Variants in CHAT observed in about 807,000 individuals in gnomAD.
CHAT encodes the protein acetyl CoA:choline O-acetyltransferase.
A neutral mutation model predicts 76.9 loss-of-function variants in CHAT; 61 were observed. That is an observed-to-expected ratio of 0.79 (90% CI 0.65 to 0.98). The LOEUF is 0.98. Ranked by LOEUF, CHAT falls within the 50% of genes least tolerant of loss-of-function variation. The pLI is 0.00. For missense variants in CHAT, 946 were observed against 986.9 expected (o/e 0.96, Z 0.56); for synonymous variants, 407 against 397.4 (o/e 1.02, Z -0.29).
At chr10:49,629,450 G>C (rs749279540) in intron 7 of CHAT, among the ~76,000 whole-genome samples, 1 of 152,184 alleles carries the variant, frequency 6.6e-6, no homozygotes, top group Non-Finnish European at 1.5e-5. Context: ...TTAGCATTCC[G>C]CAGTGAGTTA....
chr10:49,651,885 A>T lies in CHAT; in HGVS notation c.1513A>T (p.Ile505Leu). 2 of 1,613,780 alleles carry T rather than the reference A, an allele frequency of 1.2e-6. No homozygotes were observed. The highest frequency in any genetic ancestry group is 1.7e-6 in the Non-Finnish European group (2 of 1,179,752). ...LASSAEKLQR[I>L]VKNLDFIVYK... Reference sequence around the variant, plus strand: ...ACATCTTTTCTTTTTCTTCCTCAGAATAGTAAAGAACCTTGACTTCATTGT... The same window carrying T: ...ACATCTTTTCTTTTTCTTCCTCAGATTAGTAAAGAACCTTGACTTCATTGT... The change falls in exon 11 of 15, where the codon ATA becomes TTA. Residue 505 changes from isoleucine to leucine, a missense_variant and splice_region_variant. Around this residue, in one of 3 missense-constraint regions of CHAT, gnomAD observed 349 missense variants for 393.9 expected, o/e 0.89. Coordinates refer to ENST00000337653, the MANE Select transcript of CHAT (RefSeq NM_020549.5).
chr10:49,663,823 C>T (rs1419417385), intron 14 of CHAT, among the ~76,000 whole-genome samples: 3 of 152,194 alleles, frequency 2.0e-5, no homozygotes, highest in African/African-American at 7.2e-5. Context: ...GAACACAGCA[C>T]CATAAATTTC....
At chr10:49,622,609 C>T (rs989561578) in intron 5 of CHAT, among the ~76,000 whole-genome samples, 3 of 152,148 alleles carry the variant, frequency 2.0e-5, no homozygotes, top group Admixed American at 6.5e-5. Flanking sequence ...GCTCAAGCAC[C>T]GCAGGCTCTC....
At chr10:49,632,808 C>T (rs879496970) in intron 7 of CHAT, among the ~76,000 whole-genome samples, 10 of 152,192 alleles carry the variant, frequency 6.6e-5, no homozygotes, top group Non-Finnish European at 1.2e-4. Context: ...CCCTCTGCCA[C>T]GACACTGAGG....
chr10:49,665,010 A>T lies in CHAT; in HGVS notation c.2211A>T (p.Glu737Asp), dbSNP rs1840309929. The T allele has an allele frequency of 6.2e-7, 1 of 1,614,066 alleles. No homozygotes were observed. Among genetic ancestry groups the T allele is most frequent in the African/African-American group, 1.3e-5 (1 of 74,930 alleles). ...AGAGCAAGCCATTGGCAACAAAGGA[A>T]AAAGCCACGAGGCCCAGCCAGGGAC... is the stretch of plus-strand genomic sequence containing the variant. ...PTESKPLATK[E>D]KATRPSQGHQ... Residue 737 changes from glutamate (E) to aspartate (D), a missense_variant, in exon 15 of 15, where the codon GAA becomes GAT. Physicochemically the swap from Glu to Asp is conservative, Grantham distance 45. Around this residue, in one of 3 missense-constraint regions of CHAT, gnomAD observed 349 missense variants for 393.9 expected, o/e 0.89. Transcript: ENST00000337653.
chr10:49,649,833 T>G (rs971787623), intron 10 of CHAT, among the ~76,000 whole-genome samples, 197 bp downstream of exon 10: 1 of 150,644 alleles, frequency 6.6e-6, no homozygotes, highest in Non-Finnish European at 1.5e-5. Context: ...TGCTGAAGTA[T>G]CCATCATTTC....
In CHAT at chr10:49,648,582, T is replaced by G. The variant is rs1839759447; in HGVS notation, c.1357T>G (p.Cys453Gly). The change falls in exon 9 of 15, where the codon TGC (cysteine) becomes GGC (glycine). Residue 453 changes from cysteine to glycine, a missense_variant. By Grantham distance (159) the Cys-to-Gly change is radical. Transcript: ENST00000337653. ...ATTCGATGGCATCGTCCTGGTGCAG[T>G]GCACTGAGCATCTGCTCAAGCACGT... ...SPFDGIVLVQ[C>G]TEHLLKHVTQ... The G allele has an allele frequency of 1.2e-6, 2 of 1,613,460 alleles. No homozygotes were observed. Among genetic ancestry groups the G allele is most frequent in the Non-Finnish European group, 1.7e-6 (2 of 1,179,528 alleles).
At chr10:49,633,512 C>T (rs1839194799) in intron 7 of CHAT, among the ~76,000 whole-genome samples, 3 of 152,170 alleles carry the variant, frequency 2.0e-5, no homozygotes, top group Non-Finnish European at 2.9e-5. Flanking sequence ...CAGCCTGAGA[C>T]CTGCAGTGCC....
chr10:49,634,945 TG>T (rs1394707197), intron 7 of CHAT, among the ~76,000 whole-genome samples: 1 of 152,224 alleles, frequency 6.6e-6, no homozygotes, highest in East Asian at 1.9e-4. Context: ...AGATCTCATA[TG>T]TACCCATCTT....
rs554737110 is a variant in CHAT, at chr10:49,620,751, G to C, written c.698+138G>C. 2.8e-5 allele frequency: 20 copies of C among 720,576 alleles called. No homozygotes were observed. The South Asian group carries it at 2.9e-4, about 10-fold the overall frequency. The allele number at this position is 720,576 out of a possible 1,614,324, so 44.6% of individuals were successfully genotyped here. ...GGTCAAATGCCCCGAGACAGTGGAC[G>C]TCCAGGCCATCAGGTGGGGAGCAAG... On this transcript the variant is annotated intron_variant, in intron 4 of 14. Transcript: ENST00000337653.
intron 7 of CHAT, among the ~76,000 whole-genome samples, chr10:49,636,039 T>C (rs548285270): frequency 6.6e-6 from 1 of 152,258 alleles, no homozygotes; most frequent in African/African-American, 2.4e-5. Flanking sequence ...AATCTACAAC[T>C]CCAAAAACTC....
chr10:49,637,095 C>T (rs1047592140), intron 7 of CHAT, among the ~76,000 whole-genome samples: 19 of 151,124 alleles, frequency 1.3e-4, no homozygotes, highest in African/African-American at 4.4e-4. Context: ...AAATAACTAC[C>T]TTTCTTTTTG....
At chr10:49,660,237 G>A (rs906436590) in intron 13 of CHAT, among the ~76,000 whole-genome samples, 9 of 152,004 alleles carry the variant, frequency 5.9e-5, no homozygotes, top group Non-Finnish European at 1.0e-4. Flanking sequence ...TCAGGAGATC[G>A]AGACCATCCT....
rs749948399 is a variant in CHAT, at chr10:49,646,621, G to T, written c.1228G>T (p.Gly410Cys). 1 of 1,614,206 alleles carries T rather than the reference G, an allele frequency of 6.2e-7. No individual in the cohort carries two copies. Among genetic ancestry groups the T allele is most frequent in the Admixed American group, 1.7e-5 (1 of 60,036 alleles). ...CCACAGGGCACTCCAGCTCCTTCACGGCGGAGGCTACAGCAAGAACGGGGC... is the reference window on the plus strand; with the variant it reads ...CCACAGGGCACTCCAGCTCCTTCACTGCGGAGGCTACAGCAAGAACGGGGC... ...DTHRALQLLH[G>C]GGYSKNGANR... Residue 410 changes from glycine to cysteine, a missense_variant, in exon 8 of 15, where the codon GGC becomes TGC. Coordinates refer to ENST00000337653, the MANE Select transcript of CHAT (RefSeq NM_020549.5).
chr10:49,635,724 A>C (rs1174221297), intron 7 of CHAT, among the ~76,000 whole-genome samples: 1 of 152,222 alleles, frequency 6.6e-6, no homozygotes, highest in East Asian at 1.9e-4. Flanking sequence ...GGCAAAATTC[A>C]ACAACCATTC....
Position 49,614,074 on chromosome 10 carries a change from G to A in CHAT, c.-116G>A, listed in dbSNP as rs915750338. On this transcript the variant is annotated 5_prime_UTR_variant, in exon 1 of 15. In the 5' UTR this introduces an upstream ATG that the reference lacks. Coordinates refer to ENST00000337653, the MANE Select transcript of CHAT (RefSeq NM_020549.5). Reference sequence around the variant, plus strand: ...AGGGGCAGGAGGCATGGGCGGGACAGTGTTCTGTGCCCCCTTCTAGAGCCT... The same window carrying A: ...AGGGGCAGGAGGCATGGGCGGGACAATGTTCTGTGCCCCCTTCTAGAGCCT... The A allele has an allele frequency of 3.3e-6, 5 of 1,532,646 alleles. 1 individual carries two copies. The Admixed American group carries it at 7.9e-5, about 24-fold the overall frequency. The allele number at this position is 1,532,646 out of a possible 1,614,324, so 94.9% of individuals were successfully genotyped here.
intron 10 of CHAT, among the ~76,000 whole-genome samples, chr10:49,651,139 C>T (rs1839862583): frequency 6.6e-6 from 1 of 152,078 alleles, no homozygotes; most frequent in South Asian, 2.1e-4. Flanking sequence ...GAGAGATTTC[C>T]AGGTGGCTGT....
At chr10:49,664,549 G>C (rs1840292342) in intron 14 of CHAT, among the ~76,000 whole-genome samples, 1 of 152,218 alleles carries the variant, frequency 6.6e-6, no homozygotes, top group Non-Finnish European at 1.5e-5. Flanking sequence ...TCCACAAGTA[G>C]AGCAGATTGC....
intron 13 of CHAT, among the ~76,000 whole-genome samples, chr10:49,656,487 C>T (rs1169548001): frequency 1.3e-5 from 2 of 152,096 alleles, no homozygotes; most frequent in Non-Finnish European, 2.9e-5. Flanking sequence ...GAGGAGCCAG[C>T]TGTTTCCTCT....
Sources: allele counts gnomAD v4.1 joint callset (sites outside exome capture counted in the v4.1 genomes callset), GRCh38; gene constraint gnomAD v4.1.1; regional missense constraint gnomAD v4.1.1; transcripts MANE v1.5; gene names NCBI Gene and HGNC (gene_info 2026-07-23, HGNC 2026-07-21).